ORMDL2: variants seen among roughly 807,000 people sequenced by gnomAD.
ORMDL2 encodes the protein ORM1-like protein 2.
Under a neutral mutation model 13.5 loss-of-function variants are expected in ORMDL2, and 11 were observed. The observed-to-expected ratio is 0.82, with a 90% CI of 0.51 to 1.35. The LOEUF (loss-of-function observed/expected upper bound fraction) is 1.35, where lower values mean the gene tolerates loss of function less well. ORMDL2 is among the 40% of genes most tolerant of loss of function. The probability of loss-of-function intolerance (pLI) is 0.00; values close to 1 mark genes in which losing one functional copy is unlikely to be tolerated. For missense variants in ORMDL2, 160 were observed against 191.1 expected, an observed-to-expected ratio of 0.84 and a Z score of 0.96; for synonymous variants, 73 against 76.5, an observed-to-expected ratio of 0.95 and a Z score of 0.24.
At position 55,821,250 on chromosome 12, in the gene ORMDL2, G is replaced by T. The variant is rs1011372341; in HGVS notation, c.*855G>T. On this transcript the variant is annotated 3_prime_UTR_variant, in exon 4 of 4. Transcript: ENST00000243045. ...AAGTCGAGGGAAAATTCAGTTTCCA[G>T]TCTCTGAACTCTATGCGATAATCTC... 2 of 152,614 alleles carry T rather than the reference G, an allele frequency of 1.3e-5. No homozygotes were observed. Among genetic ancestry groups the T allele is most frequent in the African/African-American group, 4.8e-5 (2 of 41,436 alleles). The allele number at this position is 152,614 out of a possible 1,614,324, so 9.5% of individuals were successfully genotyped here.
chr12:55,821,093 G>T lies in ORMDL2; in HGVS notation c.*698G>T, dbSNP rs1421253567. The T allele has an allele frequency of 2.0e-5, 3 of 152,600 alleles. No homozygotes were observed. Among genetic ancestry groups the T allele is most frequent in the African/African-American group, 7.2e-5 (3 of 41,428 alleles). The allele number at this position is 152,600 out of a possible 1,614,324, so 9.5% of individuals were successfully genotyped here. ...AATACAAACCCTTGGATCACATGGG[G>T]GCTTCTGGGAACCCCCGTATTCTTC... On this transcript the variant is annotated 3_prime_UTR_variant, in exon 4 of 4. Transcript: ENST00000243045.
intron 3 of ORMDL2, among the ~76,000 whole-genome samples, chr12:55,820,047 C>T (rs757850811): frequency 1.3e-5 from 2 of 152,140 alleles, no homozygotes; most frequent in Admixed American, 6.5e-5. Context: ...GAGCAGGGCA[C>T]TGTGGTGCAT....
Position 55,819,656 on chromosome 12 carries a change from G to A in ORMDL2, c.326+163G>A, listed in dbSNP as rs571290975. ...AGCCTACAGAGAGCAGTAAAATGTA[G>A]ATTACAGTCAATACTGTAATCAAGC... On this transcript the variant is annotated intron_variant, in intron 3 of 3. Transcript: ENST00000243045. Among the ~76,000 whole-genome samples the A allele has an allele frequency of 1.6e-3, 239 of 152,320 alleles. 2 individuals carry two copies. The highest frequency in any genetic ancestry group is 5.6e-3 in the African/African-American group (232 of 41,566).
intron 1 of ORMDL2, chr12:55,818,686 C>G (rs1880579812): frequency 3.3e-6 from 1 of 301,336 alleles, no homozygotes; most frequent in Non-Finnish European, 6.3e-6. Flanking sequence ...ACTTCTTCAG[C>G]AAAGTCAGAT....
chr12:55,818,889 C>T, intron 1 of ORMDL2, 110 bp from the exon 2 acceptor site: 6 of 899,752 alleles, frequency 6.7e-6, no homozygotes, highest in South Asian at 1.7e-5. Flanking sequence ...TTCTTCATTC[C>T]CAATAGAGTT....
chr12:55,818,912 GCTAT>G (rs986093640), intron 1 of ORMDL2, 83 bp from the exon 2 acceptor site: 36 of 1,146,236 alleles, frequency 3.1e-5, no homozygotes, highest in Middle Eastern at 2.2e-4. Context: ...GGGGATTGGG[GCTAT>G]CTGAGAGACA....
At chr12:55,818,342 G>A (rs1466724990) in intron 1 of ORMDL2, 2 of 301,218 alleles carry the variant, frequency 6.6e-6, no homozygotes, top group South Asian at 2.6e-5. Context: ...CAGCTTTAGA[G>A]CTACCACAAT....
In ORMDL2 at chr12:55,821,186, G is replaced by T. The variant is rs1384259538; in HGVS notation, c.*791G>T. Reference sequence around the variant, plus strand: ...ATGATTAATTTTGGCCATCCTTGCAGAAAAGAGCCTAAAATTGGGTGATTT... The same window carrying T: ...ATGATTAATTTTGGCCATCCTTGCATAAAAGAGCCTAAAATTGGGTGATTT... On this transcript the variant is annotated 3_prime_UTR_variant, in exon 4 of 4. Coordinates refer to ENST00000243045, the MANE Select transcript of ORMDL2 (RefSeq NM_014182.5). 6.6e-6 allele frequency: 1 copy of T among 152,660 alleles called. No individual in the cohort carries two copies. The highest frequency in any genetic ancestry group is 2.4e-5 in the African/African-American group (1 of 41,458). The allele number at this position is 152,660 out of a possible 1,614,324, so 9.5% of individuals were successfully genotyped here.
chr12:55,820,198 A>T, intron 3 of ORMDL2, 62 bp from the exon 4 acceptor site: 1 of 1,507,292 alleles, frequency 6.6e-7, no homozygotes, highest in South Asian at 1.2e-5. Flanking sequence ...GTCTCTTAAA[A>T]AAAAAAAAGA....
Position 55,820,149 on chromosome 12 carries a change from T to C in ORMDL2, c.327-111T>C, listed in dbSNP as rs1880627261. ...GTACTGCACGTATCACACTTATGAATAGCCACTGCACTCCAACCTGGGAAA... is the reference window on the plus strand; with the variant it reads ...GTACTGCACGTATCACACTTATGAACAGCCACTGCACTCCAACCTGGGAAA... On this transcript the variant is annotated intron_variant, in intron 3 of 3. Transcript: ENST00000243045. 4 of 959,614 alleles carry C rather than the reference T, an allele frequency of 4.2e-6. No homozygotes were observed. In the East Asian group the frequency reaches 7.2e-5, roughly 17 times the overall value. 59.4% of individuals were successfully genotyped at this position (959,614 alleles called of 1,614,324 possible).
At position 55,821,878 on chromosome 12, in the gene ORMDL2, CA is replaced by C. The variant is rs1880675253; in HGVS notation, c.*1484del. On this transcript the variant is annotated 3_prime_UTR_variant, in exon 4 of 4. Coordinates refer to ENST00000243045, the MANE Select transcript of ORMDL2 (RefSeq NM_014182.5). ...CTCAAAAAATAAAAAGAAAAAGATT[CA>C]GTTCCTAGGTGTTGGGGGAGGAGGG... 7.9e-7 allele frequency: 1 copy of C among 1,261,306 alleles called. No homozygotes were observed. The allele number at this position is 1,261,306 out of a possible 1,614,324, so 78.1% of individuals were successfully genotyped here.
rs755251124 is a variant in ORMDL2 at position 55,820,305 on chromosome 12, C to T, written c.372C>T (p.Phe124=). The T allele has an allele frequency of 5.0e-6, 8 of 1,613,922 alleles. No homozygotes were observed. The Admixed American group carries it at 1.3e-4, about 27-fold the overall frequency. The change falls in exon 4 of 4, where the codon TTC becomes TTT. Residue 124 remains phenylalanine, a synonymous_variant. Transcript: ENST00000243045. ...ATACCAAGTATGATGCTGCGCACTT[C>T]CTCATCAACACAGCCTCATTGCTAA... ...SFYTKYDAAH[F]LINTASLLSV...
At position 55,821,862 on chromosome 12, in the gene ORMDL2, TAAAAA is replaced by T; in HGVS notation, c.*1468_*1472del. 8.2e-7 allele frequency: 1 copy of T among 1,212,860 alleles called. No homozygotes were observed. Among genetic ancestry groups the T allele is most frequent in the Non-Finnish European group, 1.1e-6 (1 of 878,936 alleles). The allele number at this position is 1,212,860 out of a possible 1,614,324, so 75.1% of individuals were successfully genotyped here. On this transcript the variant is annotated 3_prime_UTR_variant, in exon 4 of 4. Transcript: ENST00000243045. ...CAGAGCAAGACTCCATCTCAAAAAA[TAAAAA>T]GAAAAAGATTCAGTTCCTAGGTGTT...
chr12:55,818,868 T>C, intron 1 of ORMDL2, 131 bp from the exon 2 acceptor site: 1 of 719,520 alleles, frequency 1.4e-6, no homozygotes, highest in Non-Finnish European at 2.3e-6. Context: ...ATTTTCTGCG[T>C]GATGGGTAAG....
Position 55,819,072 on chromosome 12 carries a change from G to T in ORMDL2, c.73G>T (p.Ala25Ser). The T allele has an allele frequency of 6.2e-7, 1 of 1,614,006 alleles. No homozygotes were observed. Among genetic ancestry groups the T allele is most frequent in the Non-Finnish European group, 8.5e-7 (1 of 1,179,916 alleles). The change falls in exon 2 of 4, where the codon GCC (alanine) becomes TCC (serine). Residue 25 changes from alanine to serine, a missense_variant. Coordinates refer to ENST00000243045, the MANE Select transcript of ORMDL2 (RefSeq NM_014182.5). The stretch of plus-strand genomic sequence containing the variant: ...GATGAATAGCCGAGGCATCTGGCTG[G>T]CCTACATCATCTTGGTAGGATTGCT... ...RVMNSRGIWL[A>S]YIILVGLLHM...
intron 1 of ORMDL2, 197 bp from the exon 2 acceptor site, chr12:55,818,802 A>C (rs1015313043): frequency 3.5e-6 from 2 of 572,842 alleles, no homozygotes; most frequent in Non-Finnish European, 6.2e-6. Context: ...TATGTCTCTG[A>C]AATGTAGTGA....
chr12:55,818,874 G>C (rs1442465176), intron 1 of ORMDL2, 125 bp from the exon 2 acceptor site: 3 of 759,300 alleles, frequency 4.0e-6, no homozygotes, highest in Admixed American at 5.7e-5. Flanking sequence ...TGCGTGATGG[G>C]TAAGTTCTTC....
Position 55,820,626 on chromosome 12 carries a change from A to C in ORMDL2, c.*231A>C. ...AGGAAGGCAGGTGAGGTAAGGGCCA[A>C]ATCACTCTCCTCCATAGCAGGAAGC... On this transcript the variant is annotated 3_prime_UTR_variant, in exon 4 of 4. Transcript: ENST00000243045. 1.9e-6 allele frequency: 1 copy of C among 538,736 alleles called. No homozygotes were observed. 33.4% of individuals were successfully genotyped at this position (538,736 alleles called of 1,614,324 possible).
At chr12:55,818,250 A>G in intron 1 of ORMDL2, 138 bp downstream of exon 1, 5 of 229,828 alleles carry the variant, frequency 2.2e-5, no homozygotes, top group Non-Finnish European at 3.5e-5. Context: ...ATGAGGAGGA[A>G]GCTGGGAGGG....
Sources: gnomAD v4.1 joint callset for allele counts (sites outside exome capture counted in the v4.1 genomes callset) on GRCh38, gnomAD v4.1.1 for gene constraint, MANE v1.5 for transcripts, NCBI Gene and HGNC (gene_info 2026-07-23, HGNC 2026-07-21) for gene names.